The following CSMD1 variants were observed in gnomAD, a reference collection of about 807,000 sequenced individuals.
CSMD1 encodes CUB and sushi domain-containing protein 1.
A neutral mutation model predicts 417.5 loss-of-function variants in CSMD1; 213 were observed. That is an observed-to-expected ratio of 0.51 (90% confidence interval 0.46 to 0.57). The LOEUF is 0.57. Among genes scored for constraint, CSMD1 ranks in the 20% least tolerant of loss-of-function variants. The pLI is 0.00. For synonymous variants in CSMD1, 2,862 were observed against 1,736.8 expected (o/e 1.65, Z -16.11); for missense variants, 6,923 against 4,529.7 (o/e 1.53, Z -15.17).
chr8:3,772,213 CACA>C (rs1798615807), intron 5 of CSMD1, among the ~76,000 whole-genome samples: 1 of 132,130 alleles, frequency 7.6e-6, no homozygotes, highest in Non-Finnish European at 1.6e-5. Flanking sequence ...CACACACACA[CACA>C]TATAATACAC....
At chr8:3,576,945 G>C (rs549639562) in intron 9 of CSMD1, among the ~76,000 whole-genome samples, 1 of 152,112 alleles carries the variant, frequency 6.6e-6, no homozygotes, top group Non-Finnish European at 1.5e-5. Flanking sequence ...ATCATGTAGC[G>C]TTCATAAATA....
chr8:3,706,390 C>T (rs1005603619), intron 7 of CSMD1, among the ~76,000 whole-genome samples: 1 of 152,228 alleles, frequency 6.6e-6, no homozygotes, highest in African/African-American at 2.4e-5. Context: ...CTCTGTCATA[C>T]CTTTCTTTGG....
At chr8:4,663,859 A>C (rs980793238) in intron 1 of CSMD1, among the ~76,000 whole-genome samples, 3 of 152,198 alleles carry the variant, frequency 2.0e-5, no homozygotes, top group African/African-American at 7.2e-5. Flanking sequence ...ATTCTCACAA[A>C]TACCTGGGCT....
chr8:3,252,502 G>C (rs913742594), intron 26 of CSMD1, among the ~76,000 whole-genome samples: 1 of 152,138 alleles, frequency 6.6e-6, no homozygotes, highest in East Asian at 1.9e-4. Flanking sequence ...ATGTTCATCA[G>C]GGATATTGGT....
Position 3,316,846 on chromosome 8 carries a change from C to T in CSMD1, c.3632-8343G>A, listed in dbSNP as rs118050220. ...CACAGGAAACTGACACAAGTATATT[C>T]GTATTTCAGAGAGATAATCAGAAGC... On this transcript the variant is annotated intron_variant, in intron 23 of 69. Coordinates refer to ENST00000635120, the MANE Select transcript of CSMD1 (RefSeq NM_033225.6). Among the ~76,000 whole-genome samples the T allele has an allele frequency of 1.8e-4, 28 of 152,032 alleles. No homozygotes were observed. In the East Asian group the frequency reaches 3.3e-3, roughly 18 times the overall value.
At chr8:4,519,236 A>G (rs1403346717) in intron 2 of CSMD1, among the ~76,000 whole-genome samples, 1 of 152,172 alleles carries the variant, frequency 6.6e-6, no homozygotes, top group African/African-American at 2.4e-5. Context: ...TGCCTTCTCA[A>G]TGCATACTCA....
At chr8:2,985,596 TA>T (rs759673066) in intron 54 of CSMD1, among the ~76,000 whole-genome samples, 6 of 152,092 alleles carry the variant, frequency 3.9e-5, no homozygotes, top group South Asian at 4.1e-4. Context: ...TTACTTTTCT[TA>T]AAAAAAATAT....
intron 1 of CSMD1, among the ~76,000 whole-genome samples, chr8:4,716,207 T>A (rs541571495): frequency 6.6e-6 from 1 of 152,142 alleles, no homozygotes; most frequent in East Asian, 1.9e-4. Context: ...TGGGGACTGC[T>A]CATCTAGAGA....
intron 5 of CSMD1, among the ~76,000 whole-genome samples, chr8:3,920,281 C>G (rs1196457178): frequency 6.6e-6 from 1 of 152,006 alleles, no homozygotes; most frequent in Non-Finnish European, 1.5e-5. Context: ...GTGATCCACC[C>G]ACTTCAACCT....
intron 3 of CSMD1, among the ~76,000 whole-genome samples, chr8:4,217,441 G>A (rs144804028): frequency 1.2e-3 from 179 of 152,158 alleles, no homozygotes; most frequent in African/African-American, 4.0e-3. Flanking sequence ...TATAAGACAC[G>A]TTATACCATA....
chr8:2,975,222 T>A (rs1804815832), intron 55 of CSMD1, among the ~76,000 whole-genome samples: 2 of 152,196 alleles, frequency 1.3e-5, no homozygotes, highest in Non-Finnish European at 2.9e-5. Flanking sequence ...TTATTTCCCT[T>A]CATTTCCTTA....
At chr8:3,846,499 A>G (rs1019158630) in intron 5 of CSMD1, among the ~76,000 whole-genome samples, 1 of 152,212 alleles carries the variant, frequency 6.6e-6, no homozygotes, top group Non-Finnish European at 1.5e-5. Context: ...AACTCAGATA[A>G]GCATAGAAAG....
intron 3 of CSMD1, among the ~76,000 whole-genome samples, chr8:4,171,224 T>C (rs528192051): frequency 6.6e-6 from 1 of 151,964 alleles, no homozygotes; most frequent in South Asian, 2.1e-4. Context: ...CCCGCAAAGG[T>C]CCAGCTCAAC....
chr8:3,782,572 C>G (rs970340841), intron 5 of CSMD1, among the ~76,000 whole-genome samples: 20 of 152,128 alleles, frequency 1.3e-4, no homozygotes, highest in Admixed American at 1.3e-3. Context: ...GCGCAGCAAA[C>G]CAACATGGCA....
intron 27 of CSMD1, among the ~76,000 whole-genome samples, chr8:3,229,257 A>C (rs1286337319): frequency 6.6e-6 from 1 of 152,208 alleles, no homozygotes; most frequent in Admixed American, 6.5e-5. Context: ...TTTCAGACAG[A>C]TTATAAAGAA....
chr8:4,947,433 G>A (rs1029096969), intron 1 of CSMD1, among the ~76,000 whole-genome samples: 1 of 151,816 alleles, frequency 6.6e-6, no homozygotes, highest in Admixed American at 6.6e-5. Context: ...TTCTCACATA[G>A]GTAAGAAATG....
At chr8:4,298,145 A>T (rs1467415667) in intron 3 of CSMD1, among the ~76,000 whole-genome samples, 2 of 152,190 alleles carry the variant, frequency 1.3e-5, no homozygotes, top group African/African-American at 4.8e-5. Context: ...CAAAAATGGT[A>T]TAGAAGAAAA....
chr8:4,239,885 C>T (rs1020155336), intron 3 of CSMD1, among the ~76,000 whole-genome samples: 1 of 152,188 alleles, frequency 6.6e-6, no homozygotes, highest in Non-Finnish European at 1.5e-5. Flanking sequence ...TTATCCTTTG[C>T]AGCATTAGCA....
chr8:4,807,080 CT>C (rs1156380885), intron 1 of CSMD1, among the ~76,000 whole-genome samples: 1 of 152,128 alleles, frequency 6.6e-6, no homozygotes, highest in Non-Finnish European at 1.5e-5. Flanking sequence ...TATTTTTATT[CT>C]TTTTAACCAC....
Sources: allele counts gnomAD v4.1 joint callset (sites outside exome capture counted in the v4.1 genomes callset), GRCh38; gene constraint gnomAD v4.1.1; transcripts MANE v1.5; gene names NCBI Gene and HGNC (gene_info 2026-07-23, HGNC 2026-07-21).